Variants in TP53I11 observed in about 807,000 individuals in gnomAD.
TP53I11 encodes tumor protein p53-inducible protein 11.
Under a neutral mutation model 23.3 loss-of-function variants are expected in TP53I11, and 9 were observed. The observed-to-expected ratio is 0.39, with a 90% CI of 0.23 to 0.67. The LOEUF is 0.67. Among genes scored for constraint, TP53I11 ranks in the 30% least tolerant of loss-of-function variants. The pLI, the probability that TP53I11 is intolerant of heterozygous loss-of-function variation, is 0.48. For synonymous variants in TP53I11, 100 were observed against 106.1 expected, an observed-to-expected ratio of 0.94 and a Z score of 0.35; for missense variants, 170 against 255.2, an observed-to-expected ratio of 0.67 and a Z score of 2.27.
rs1565070002 is a variant in TP53I11 at position 44,936,623 on chromosome 11, T to C, written c.334+180A>G. The C allele has an allele frequency of 7.5e-7, 1 of 1,337,572 alleles. No homozygotes were observed. Among genetic ancestry groups the C allele is most frequent in the Non-Finnish European group, 9.6e-7 (1 of 1,044,630 alleles). 82.9% of individuals were successfully genotyped at this position (1,337,572 alleles called of 1,614,324 possible). On this transcript the variant is annotated intron_variant, in intron 5 of 6. Transcript: ENST00000525680. This position sits in a 1 kb window ranked among gnomAD's most constrained non-coding sequence, Gnocchi z 4.4. ...CAACCCACTGGGTGTATTCCACCAA[T>C]GGCCACAAGATGGCAGCACATCCCC...
intron 1 of TP53I11, among the ~76,000 whole-genome samples, chr11:44,939,831 T>G (rs1286906104): frequency 6.6e-6 from 1 of 152,156 alleles, no homozygotes; most frequent in African/African-American, 2.4e-5. Context: ...TAGTTCCTCA[T>G]CCACAAAAAG....
rs1590769499 is a variant in TP53I11, at chr11:44,941,566, T to C, written c.-31-3200A>G. Among the ~76,000 whole-genome samples, 3 of 152,056 alleles carry C rather than the reference T, an allele frequency of 2.0e-5. No individual in the cohort carries two copies. In the East Asian group the frequency reaches 5.8e-4, roughly 29 times the overall value. On this transcript the variant is annotated intron_variant, in intron 1 of 6. Transcript: ENST00000525680. ...CCCAGGTGTAGTTGGGAAAATAAGG[T>C]GTCCTATCTTATAGAGATACTGTGA...
rs1368129236 is a variant in TP53I11, at chr11:44,934,689, G to A, written c.*195C>T. ...GCCCTGTCTCTCCCCAGACCAGCAT[G>A]TCAAGCCTGAAAGCCCAGGAGATCA... On this transcript the variant is annotated 3_prime_UTR_variant, in exon 7 of 7. Coordinates refer to ENST00000525680, the MANE Select transcript of TP53I11 (RefSeq NM_006034.5). 1.7e-5 allele frequency: 12 copies of A among 697,234 alleles called. No homozygotes were observed. Among genetic ancestry groups the A allele is most frequent in the Non-Finnish European group, 2.8e-5 (12 of 430,078 alleles). The allele number at this position is 697,234 out of a possible 1,614,324, so 43.2% of individuals were successfully genotyped here.
At position 44,933,415 on chromosome 11, in the gene TP53I11, G is replaced by A. The variant is rs1565047270; in HGVS notation, c.*1469C>T. The A allele has an allele frequency of 6.6e-6, 1 of 152,570 alleles. No individual in the cohort carries two copies. The highest frequency in any genetic ancestry group is 1.5e-5 in the Non-Finnish European group (1 of 68,322). 9.5% of individuals were successfully genotyped at this position (152,570 alleles called of 1,614,324 possible). On this transcript the variant is annotated 3_prime_UTR_variant, in exon 7 of 7. Coordinates refer to ENST00000525680, the MANE Select transcript of TP53I11 (RefSeq NM_006034.5). Reference sequence around the variant, plus strand: ...GATGGGAAGCGAGTCTGAGGCCTGGGGCTGCTTTTCTCCCTACACCTGTCC... The same window carrying A: ...GATGGGAAGCGAGTCTGAGGCCTGGAGCTGCTTTTCTCCCTACACCTGTCC...
At chr11:44,946,911 G>C in intron 1 of TP53I11, 1 of 418,108 alleles carries the variant, frequency 2.4e-6, no homozygotes, top group East Asian at 7.1e-5. Context: ...AGCCTGGACT[G>C]GCACACAGGT....
Position 44,934,988 on chromosome 11 carries a change from G to C in TP53I11, c.466C>G (p.Leu156Val). 3 of 1,613,996 alleles carry C rather than the reference G, an allele frequency of 1.9e-6. No homozygotes were observed. Among genetic ancestry groups the C allele is most frequent in the Non-Finnish European group, 1.7e-6 (2 of 1,179,990 alleles). The change falls in exon 7 of 7, where the codon CTC becomes GTC. Residue 156 changes from leucine to valine, a missense_variant. By Grantham distance (32) the Leu-to-Val change is conservative. Transcript: ENST00000525680. ...VVTATLAETG[L>V]MSLGILLLLV... ...AGCAGCAGGATCCCCAGGGACATGAGGCCCGTCTCAGCTAGCGTGGCAGTG... is the reference window on the plus strand; with the variant it reads ...AGCAGCAGGATCCCCAGGGACATGACGCCCGTCTCAGCTAGCGTGGCAGTG...
chr11:44,944,143 T>C (rs751859988), intron 1 of TP53I11, among the ~76,000 whole-genome samples: 12 of 152,092 alleles, frequency 7.9e-5, no homozygotes, highest in Non-Finnish European at 1.3e-4. Flanking sequence ...CTCCAGGAGA[T>C]GGGGTGCAAA....
rs1344789581 is a variant in TP53I11, at chr11:44,934,261, CGTGT to C, written c.*619_*622del. On this transcript the variant is annotated 3_prime_UTR_variant, in exon 7 of 7. Transcript: ENST00000525680. Reference sequence around the variant, plus strand: ...CCCTTGGCTGGGCTATGAAGGCGCACGTGTGTGTGTTTGCTCACATCATGGGTGT... The same window carrying C: ...CCCTTGGCTGGGCTATGAAGGCGCACGTGTGTTTGCTCACATCATGGGTGT... 1 of 152,534 alleles carries C rather than the reference CGTGT, an allele frequency of 6.6e-6. No homozygotes were observed. Among genetic ancestry groups the C allele is most frequent in the Non-Finnish European group, 1.5e-5 (1 of 68,350 alleles). 9.4% of individuals were successfully genotyped at this position (152,534 alleles called of 1,614,324 possible).
rs1461879524 is a variant in TP53I11 at position 44,937,328 on chromosome 11, C to A, written c.213G>T (p.Val71=). 1 of 1,495,774 alleles carries A rather than the reference C, an allele frequency of 6.7e-7. No homozygotes were observed. The allele number at this position is 1,495,774 out of a possible 1,614,324, so 92.7% of individuals were successfully genotyped here. ...CCATGATGGCAATGCCGGAGAAGAG[C>A]ACAGCAGAGACGAACTGCCAGACCC... ...GLRVWQFVSA[V]LFSGIAIMAL... Residue 71 remains valine (V), a synonymous_variant, in exon 4 of 7, where the codon GTG becomes GTT. Transcript: ENST00000525680.
intron 1 of TP53I11, among the ~76,000 whole-genome samples, chr11:44,944,560 G>A (rs909584425): frequency 2.6e-5 from 4 of 152,152 alleles, no homozygotes; most frequent in Non-Finnish European, 4.4e-5. Context: ...GGCTTTTTGG[G>A]GATACAAGAG....
In TP53I11 at chr11:44,938,255, G is replaced by A. The variant is rs1394828148; in HGVS notation, c.81C>T (p.Ile27=). 6.2e-7 allele frequency: 1 copy of A among 1,613,230 alleles called. No homozygotes were observed. The highest frequency in any genetic ancestry group is 2.2e-5 in the East Asian group (1 of 44,820). The change falls in exon 2 of 7, where the codon ATC becomes ATT. Residue 27 remains isoleucine, a synonymous_variant. Coordinates refer to ENST00000525680, the MANE Select transcript of TP53I11 (RefSeq NM_006034.5). ...CGTCATCCTCCCCGCCCACGCCGAG[G>A]ATCTTGCGGGTCTTCAGGCGGCTCA... is the stretch of plus-strand genomic sequence containing the variant. ...DLVSRLKTRK[I]LGVGGEDDDG...
At chr11:44,945,039 G>A (rs1347955910) in intron 1 of TP53I11, among the ~76,000 whole-genome samples, 3 of 152,236 alleles carry the variant, frequency 2.0e-5, no homozygotes, top group Non-Finnish European at 2.9e-5. Flanking sequence ...CTGGCTGGGG[G>A]AGTGGGGAAG....
intron 1 of TP53I11, among the ~76,000 whole-genome samples, chr11:44,947,608 G>A (rs753583422): frequency 2.5e-4 from 38 of 152,192 alleles, no homozygotes; most frequent in Middle Eastern, 3.2e-3. Context: ...TGCCCTTTTC[G>A]CAGGATAAGA....
At position 44,934,827 on chromosome 11, in the gene TP53I11, G is replaced by A. The variant is rs1260875537; in HGVS notation, c.*57C>T. The stretch of plus-strand genomic sequence containing the variant: ...GCCTTCCAGGAGCCAAAGGGAAGCC[G>A]AGGCCCCAGCGCCACTCTGGCCCAG... On this transcript the variant is annotated 3_prime_UTR_variant, in exon 7 of 7. Coordinates refer to ENST00000525680, the MANE Select transcript of TP53I11 (RefSeq NM_006034.5). 31 of 1,606,222 alleles carry A rather than the reference G, an allele frequency of 1.9e-5. No homozygotes were observed. Among genetic ancestry groups the A allele is most frequent in the Admixed American group, 1.2e-4 (7 of 59,522 alleles).
At chr11:44,940,618 T>C (rs1160104188) in intron 1 of TP53I11, 6 of 152,228 alleles carry the variant, frequency 3.9e-5, no homozygotes, top group Non-Finnish European at 8.8e-5. Context: ...CAGTATTCCC[T>C]GGGGTACGTG....
At position 44,933,147 on chromosome 11, in the gene TP53I11, TCCTC is replaced by T. The variant is rs1860724274; in HGVS notation, c.*1733_*1736del. 6.6e-6 allele frequency: 1 copy of T among 152,058 alleles called. No individual in the cohort carries two copies. The highest frequency in any genetic ancestry group is 6.6e-5 in the Admixed American group (1 of 15,262). The allele number at this position is 152,058 out of a possible 1,614,324, so 9.4% of individuals were successfully genotyped here. ...AGACAGATGCCAGGAGAGGGGCCCT[TCCTC>T]AGGGTCCAGCCTCCCATTCTGCTCT... On this transcript the variant is annotated 3_prime_UTR_variant, in exon 7 of 7. Transcript: ENST00000525680.
intron 1 of TP53I11, among the ~76,000 whole-genome samples, chr11:44,949,371 C>T (rs999442195): frequency 1.3e-5 from 2 of 152,134 alleles, no homozygotes; most frequent in African/African-American, 4.8e-5. Context: ...TGACTTCTCC[C>T]CGCAGGCCCG....
rs1349693232 is a variant in TP53I11 at position 44,936,435 on chromosome 11, G to T, written c.334+368C>A. 2.4e-6 allele frequency: 3 copies of T among 1,232,734 alleles called. No individual in the cohort carries two copies. Among genetic ancestry groups the T allele is most frequent in the East Asian group, 3.2e-5 (1 of 31,704 alleles). The allele number at this position is 1,232,734 out of a possible 1,614,324, so 76.4% of individuals were successfully genotyped here. A position where few individuals can be genotyped will look rare whatever the true frequency, so the allele number is the denominator to read the frequency against. On this transcript the variant is annotated intron_variant, in intron 5 of 6. Coordinates refer to ENST00000525680, the MANE Select transcript of TP53I11 (RefSeq NM_006034.5). This position sits in a 1 kb window ranked among gnomAD's most constrained non-coding sequence, Gnocchi z 4.4. Reference sequence around the variant, plus strand: ...GAAGTGGCTCTGGGGATAAAATAGGGGGGGTGCGAGGGGTTTTGCAGACAC... The same window carrying T: ...GAAGTGGCTCTGGGGATAAAATAGGTGGGGTGCGAGGGGTTTTGCAGACAC...
chr11:44,935,727 G>C (rs1011988467), intron 5 of TP53I11, 65 bp from the exon 6 acceptor site: 2 of 1,192,690 alleles, frequency 1.7e-6, no homozygotes, highest in East Asian at 2.5e-5. Context: ...CAGGGCAGGA[G>C]GACTGCTCCT....
Sources: allele counts gnomAD v4.1 joint callset (sites outside exome capture counted in the v4.1 genomes callset), GRCh38; gene constraint gnomAD v4.1.1; non-coding constraint Gnocchi (gnomAD v3.1); transcripts MANE v1.5; gene names NCBI Gene and HGNC (gene_info 2026-07-23, HGNC 2026-07-21).